Variants in SMG7 observed in about 807,000 individuals in gnomAD.
SMG7 encodes the protein nonsense-mediated mRNA decay factor SMG7.
In SMG7, 34 loss-of-function variants were observed where a neutral mutation model predicts 148.2. The ratio of observed to expected loss-of-function variants is 0.23; its 90% CI spans 0.17 to 0.31. The LOEUF (loss-of-function observed/expected upper bound fraction) is 0.31, where lower values mean the gene tolerates loss of function less well. Among genes scored for constraint, SMG7 ranks in the 10% least tolerant of loss-of-function variants. The probability of loss-of-function intolerance (pLI) is 1.00; values close to 1 mark genes in which losing one functional copy is unlikely to be tolerated. For missense variants in SMG7, 1,114 were observed against 1,408.4 expected, an observed-to-expected ratio of 0.79 and a Z score of 3.35; for synonymous variants, 492 against 515.1, an observed-to-expected ratio of 0.96 and a Z score of 0.61.
At chr1:183,539,638 G>T (rs1043546285) in intron 12 of SMG7, among the ~76,000 whole-genome samples, 1 of 152,176 alleles carries the variant, frequency 6.6e-6, no homozygotes, top group Non-Finnish European at 1.5e-5. Context: ...GATTTGGTCA[G>T]CCAAAAAGCA....
chr1:183,535,010 T>G (rs1435578440), intron 10 of SMG7, among the ~76,000 whole-genome samples: 1 of 152,194 alleles, frequency 6.6e-6, no homozygotes, highest in Admixed American at 6.6e-5. Context: ...AGCATTGGTT[T>G]TAGTAATACG....
chr1:183,543,862 G>A (rs1396551701), intron 14 of SMG7, among the ~76,000 whole-genome samples: 5 of 152,162 alleles, frequency 3.3e-5, no homozygotes, highest in Admixed American at 3.3e-4. Context: ...AAGTTGCAGG[G>A]TGGAAGGTGG....
intron 1 of SMG7, among the ~76,000 whole-genome samples, chr1:183,501,750 T>C (rs924931403): frequency 6.6e-6 from 1 of 152,184 alleles, no homozygotes; most frequent in Non-Finnish European, 1.5e-5. Context: ...ACTGTATCTA[T>C]GATATAAAAA....
chr1:183,529,170 T>C (rs1441364636), intron 7 of SMG7, 128 bp downstream of exon 7: 2 of 1,018,986 alleles, frequency 2.0e-6, no homozygotes, highest in African/African-American at 1.6e-5. Flanking sequence ...TATAGATTTT[T>C]CATAATTTGT....
At chr1:183,486,871 A>G (rs937975894) in intron 1 of SMG7, among the ~76,000 whole-genome samples, 1 of 152,004 alleles carries the variant, frequency 6.6e-6, no homozygotes, top group African/African-American at 2.4e-5. Flanking sequence ...CTAATTTTGG[A>G]ATTTTTTTCT....
chr1:183,544,503 TATG>T lies in SMG7; in HGVS notation c.1987+7_1987+9del. On this transcript the variant is annotated splice_region_variant and intron_variant, in intron 15 of 22. Coordinates refer to ENST00000688051, the MANE Select transcript of SMG7 (RefSeq NM_001375584.1). ...TCCTCTTCCCAGCAGGCCAGGTAAA[TATG>T]TTTTGTAATTTCTTCTACTTAATCT... is the stretch of plus-strand genomic sequence containing the variant. 1 of 1,612,408 alleles carries T rather than the reference TATG, an allele frequency of 6.2e-7. No individual in the cohort carries two copies. Among genetic ancestry groups the T allele is most frequent in the Non-Finnish European group, 8.5e-7 (1 of 1,179,042 alleles).
At chr1:183,550,721 A>G in intron 20 of SMG7, 30 bp from the exon 21 acceptor site, 1 of 1,606,586 alleles carries the variant, frequency 6.2e-7, no homozygotes, top group Non-Finnish European at 8.5e-7. Context: ...ACAATGATTT[A>G]CTATATCCTG....
intron 9 of SMG7, 54 bp from the exon 10 acceptor site, chr1:183,533,622 G>T: frequency 6.8e-7 from 1 of 1,472,772 alleles, no homozygotes; most frequent in South Asian, 1.2e-5. Context: ...ATTTTAATTT[G>T]AACTGGCACA....
intron 1 of SMG7, among the ~76,000 whole-genome samples, chr1:183,511,426 G>A (rs1027598072): frequency 6.6e-6 from 1 of 152,162 alleles, no homozygotes; most frequent in Non-Finnish European, 1.5e-5. Flanking sequence ...AAGATGAGTG[G>A]TAATTAAGCA....
intron 4 of SMG7, among the ~76,000 whole-genome samples, chr1:183,519,465 A>AT (rs1377548817): frequency 1.3e-5 from 2 of 151,750 alleles, no homozygotes; most frequent in African/African-American, 2.4e-5. Context: ...AAAGGCTACT[A>AT]TTTGTAAGGC....
At position 183,527,617 on chromosome 1, in the gene SMG7, G is replaced by GT; in HGVS notation, c.485-334dup. On this transcript the variant is annotated intron_variant, in intron 5 of 22. Coordinates refer to ENST00000688051, the MANE Select transcript of SMG7 (RefSeq NM_001375584.1). This position sits in a 1 kb window ranked among gnomAD's most constrained non-coding sequence, Gnocchi z 4.0. The stretch of plus-strand genomic sequence containing the variant: ...TGTATAGTGTATTTTGTTTTGTTTT[G>GT]TTTTTAAGTGCCATATAACTCACCC... The GT allele has an allele frequency of 2.1e-6, 1 of 478,652 alleles. No individual in the cohort carries two copies. Among genetic ancestry groups the GT allele is most frequent in the Non-Finnish European group, 4.3e-6 (1 of 232,188 alleles). 29.7% of individuals were successfully genotyped at this position (478,652 alleles called of 1,614,324 possible).
Position 183,549,937 on chromosome 1 carries a change from TTTAAA to T in SMG7, c.3133+18_3133+22del, listed in dbSNP as rs754793646. On this transcript the variant is annotated intron_variant, in intron 20 of 22. Coordinates refer to ENST00000688051, the MANE Select transcript of SMG7 (RefSeq NM_001375584.1). Reference sequence around the variant, plus strand: ...CTGCCAGTTCAGGTATTAACTACTCTTTAAATTATAGACCTTACATTTCCTGTACA... The same window carrying T: ...CTGCCAGTTCAGGTATTAACTACTCTTTATAGACCTTACATTTCCTGTACA... 41 of 1,600,000 alleles carry T rather than the reference TTTAAA, an allele frequency of 2.6e-5. No individual in the cohort carries two copies. The South Asian group carries it at 4.3e-4, about 17-fold the overall frequency.
chr1:183,552,660 CGAGGATACA>C lies in SMG7; in HGVS notation c.*731_*739del. On this transcript the variant is annotated 3_prime_UTR_variant, in exon 23 of 23. Transcript: ENST00000688051. ...ACTCTGTAGGTGCTCGAGCCCCAAT[CGAGGATACA>C]GTGTGGGTGGTGGTGCTGGGCTGGA... 1 of 1,122,694 alleles carries C rather than the reference CGAGGATACA, an allele frequency of 8.9e-7. No homozygotes were observed. The highest frequency in any genetic ancestry group is 1.1e-6 in the Non-Finnish European group (1 of 913,234). 69.5% of individuals were successfully genotyped at this position (1,122,694 alleles called of 1,614,324 possible). A position where few individuals can be genotyped will look rare whatever the true frequency, so the allele number is the denominator to read the frequency against.
chr1:183,482,198 A>G lies in SMG7; in HGVS notation c.29+9549A>G, dbSNP rs1272048526. ...ATAAATTAGAGATTTTGATTAGTCCATATCTCATTCTGCATTTTTTTGTGT... is the reference window on the plus strand; with the variant it reads ...ATAAATTAGAGATTTTGATTAGTCCGTATCTCATTCTGCATTTTTTTGTGT... On this transcript the variant is annotated intron_variant, in intron 1 of 22. Transcript: ENST00000688051. 4.0e-5 allele frequency among the ~76,000 whole-genome samples: 6 copies of G among 151,124 alleles called. No homozygotes were observed. In the East Asian group the frequency reaches 7.7e-4, roughly 20 times the overall value.
chr1:183,541,068 C>T lies in SMG7; in HGVS notation c.1380C>T (p.Ile460=), dbSNP rs758360620. 1.2e-6 allele frequency: 2 copies of T among 1,613,662 alleles called. No homozygotes were observed. The highest frequency in any genetic ancestry group is 8.5e-7 in the Non-Finnish European group (1 of 1,179,586). The change falls in exon 13 of 23, where the codon ATC becomes ATT. Residue 460 remains isoleucine, a synonymous_variant. Transcript: ENST00000688051. ...QQRRIRQQRL[I]SIGKWIADNQ... ...GACGAATACGACAGCAACGCTTGAT[C>T]TCTATAGGCAAATGGATTGCTGATA... is the stretch of plus-strand genomic sequence containing the variant.
intron 1 of SMG7, among the ~76,000 whole-genome samples, chr1:183,503,555 G>A (rs745676657): frequency 7.9e-5 from 12 of 152,108 alleles, no homozygotes; most frequent in Non-Finnish European, 1.2e-4. Flanking sequence ...TGGTGGTAGA[G>A]GACATAGGGT....
At chr1:183,547,631 T>C (rs534911906) in intron 18 of SMG7, among the ~76,000 whole-genome samples, 75 of 152,258 alleles carry the variant, frequency 4.9e-4, no homozygotes, top group African/African-American at 1.7e-3. Flanking sequence ...ATTTCTCATA[T>C]GTAGCCAAAA....
intron 1 of SMG7, among the ~76,000 whole-genome samples, chr1:183,508,959 G>A (rs1444735806): frequency 6.6e-6 from 1 of 152,178 alleles, no homozygotes; most frequent in Non-Finnish European, 1.5e-5. Context: ...TTTGGTTTGG[G>A]AACTTAAAGA....
chr1:183,544,764 A>C (rs1230590833), intron 15 of SMG7, among the ~76,000 whole-genome samples, 166 bp from the exon 16 acceptor site: 4 of 152,198 alleles, frequency 2.6e-5, no homozygotes, highest in African/African-American at 9.6e-5. Flanking sequence ...AAAAATATCA[A>C]GTCTATTTTT....
Sources: allele counts gnomAD v4.1 joint callset (sites outside exome capture counted in the v4.1 genomes callset), GRCh38; gene constraint gnomAD v4.1.1; non-coding constraint Gnocchi (gnomAD v3.1); transcripts MANE v1.5; gene names NCBI Gene and HGNC (gene_info 2026-07-23, HGNC 2026-07-21).